The following PTPRN2 variants were observed in gnomAD, a reference collection of about 807,000 sequenced individuals.
The protein encoded by PTPRN2 is receptor-type tyrosine-protein phosphatase N2.
PTPRN2 carries 74 observed loss-of-function variants against 118.8 expected under a neutral mutation model. The ratio of observed to expected loss-of-function variants is 0.62; its 90% CI spans 0.52 to 0.76. The LOEUF (loss-of-function observed/expected upper bound fraction) is 0.76. Ranked by LOEUF, PTPRN2 falls within the 30% of genes least tolerant of loss-of-function variation. The pLI, the probability that PTPRN2 is intolerant of heterozygous loss-of-function variation, is 0.00. For missense variants in PTPRN2, 1,481 were observed against 1,394.4 expected, an observed-to-expected ratio of 1.06 and a Z score of -0.99; for synonymous variants, 641 against 608.0, an observed-to-expected ratio of 1.05 and a Z score of -0.80.
chr7:157,820,065 G>A (rs1052026103), intron 12 of PTPRN2, among the ~76,000 whole-genome samples: 8 of 144,726 alleles, frequency 5.5e-5, no homozygotes, highest in African/African-American at 1.8e-4. Context: ...CACACATACA[G>A]CAGATCCACA....
chr7:158,528,471 C>T (rs1251856273), intron 1 of PTPRN2, among the ~76,000 whole-genome samples: 3 of 152,078 alleles, frequency 2.0e-5, no homozygotes, highest in Non-Finnish European at 2.9e-5. Context: ...CTGTGAATGC[C>T]TACATTTCAG....
At chr7:158,331,625 T>A (rs1358978315) in intron 2 of PTPRN2, among the ~76,000 whole-genome samples, 4 of 144,126 alleles carry the variant, frequency 2.8e-5, no homozygotes, top group Admixed American at 6.8e-5. Flanking sequence ...ACAGCCATAC[T>A]CTCACCATAA....
chr7:158,413,575 G>A (rs1158888709), intron 2 of PTPRN2, among the ~76,000 whole-genome samples: 1 of 152,202 alleles, frequency 6.6e-6, no homozygotes, highest in Non-Finnish European at 1.5e-5. Flanking sequence ...AGATGGCAGG[G>A]CTCAAGAGGC....
At chr7:157,925,899 CTCT>C (rs1368367562) in intron 11 of PTPRN2, among the ~76,000 whole-genome samples, 3 of 152,118 alleles carry the variant, frequency 2.0e-5, no homozygotes, top group Non-Finnish European at 4.4e-5. Context: ...CCACAGACAC[CTCT>C]TCTTCTGTGT....
chr7:158,033,800 T>TGACTGCACGCTGAGACCTCGATAGA (rs1478325617), intron 11 of PTPRN2, among the ~76,000 whole-genome samples: 1 of 150,032 alleles, frequency 6.7e-6, no homozygotes, highest in Non-Finnish European at 1.5e-5. Context: ...TGTGTGTGGC[T>TGACTGCACGCTGAGACCTCGATAGA]GACTGCACGC....
intron 13 of PTPRN2, among the ~76,000 whole-genome samples, chr7:157,657,139 G>A (rs111204823): frequency 0.27 from 14,242 of 52,112 alleles, 3,021 homozygotes; most frequent in Admixed American, 0.29. Flanking sequence ...ACACACATAC[G>A]CCACACACAC....
At chr7:158,489,620 G>C in intron 2 of PTPRN2, 115 bp downstream of exon 2, 1 of 1,096,168 alleles carries the variant, frequency 9.1e-7, no homozygotes, top group Non-Finnish European at 1.2e-6. Context: ...TCTCGGCAGC[G>C]CGCCCCGGGC....
chr7:157,556,909 T>G (rs931758235), intron 21 of PTPRN2, among the ~76,000 whole-genome samples: 2 of 147,852 alleles, frequency 1.4e-5, no homozygotes, highest in Non-Finnish European at 3.0e-5. Context: ...TGCACACACA[T>G]ATACACAGGA....
intron 3 of PTPRN2, among the ~76,000 whole-genome samples, chr7:158,310,714 CGG>C (rs1801643893): frequency 6.8e-6 from 1 of 147,734 alleles, no homozygotes; most frequent in Admixed American, 6.7e-5. Context: ...AGCCCTGAGC[CGG>C]ACAGAGCGCA....
intron 1 of PTPRN2, among the ~76,000 whole-genome samples, chr7:158,499,896 A>G (rs73528621): frequency 0.016 from 2,476 of 151,920 alleles, 76 homozygotes; most frequent in African/African-American, 0.057. Context: ...AAAATCATAC[A>G]TCAACTAATT....
rs115427374 is a variant in PTPRN2, at chr7:157,901,727, G to A, written c.1724-2990C>T. Among the ~76,000 whole-genome samples the A allele has an allele frequency of 6.6e-3, 343 of 52,016 alleles. 6 individuals are homozygous for A. The highest frequency in any genetic ancestry group is 0.019 in the African/African-American group (293 of 15,742). The allele number at this position is 52,016 out of a possible 152,430, so 34.1% of individuals were successfully genotyped here. A position where few individuals can be genotyped will look rare whatever the true frequency, so the allele number is the denominator to read the frequency against. On this transcript the variant is annotated intron_variant, in intron 11 of 22. Coordinates refer to ENST00000389418, the MANE Select transcript of PTPRN2 (RefSeq NM_002847.5). Reference sequence around the variant, plus strand: ...GGGGCCTTCCCGTCCGTGTTTCCTGGGTCCTGAGGTGGGGCCTTCCCGTCC... The same window carrying A: ...GGGGCCTTCCCGTCCGTGTTTCCTGAGTCCTGAGGTGGGGCCTTCCCGTCC...
At chr7:158,370,700 C>T (rs2151316169) in intron 2 of PTPRN2, among the ~76,000 whole-genome samples, 1 of 152,108 alleles carries the variant, frequency 6.6e-6, no homozygotes, top group Non-Finnish European at 1.5e-5. Flanking sequence ...TGCAGTGAAC[C>T]AAGATTGCAC....
intron 2 of PTPRN2, among the ~76,000 whole-genome samples, chr7:158,377,023 G>T (rs1179816266): frequency 7.4e-6 from 1 of 134,900 alleles, no homozygotes; most frequent in Non-Finnish European, 1.6e-5. Flanking sequence ...CTGAGACGGG[G>T]GTCAGGGGAC....
chr7:157,682,693 G>C (rs1338172547), intron 13 of PTPRN2, 32 bp downstream of exon 13: 3 of 1,575,912 alleles, frequency 1.9e-6, no homozygotes, highest in Non-Finnish European at 1.7e-6. Context: ...AGATAAATCC[G>C]ATATACCACT....
At chr7:158,461,495 C>CA (rs71200029) in intron 2 of PTPRN2, among the ~76,000 whole-genome samples, 61,773 of 133,614 alleles carry the variant, frequency 0.46, 13,020 homozygotes, top group Admixed American at 0.49. Context: ...GACTCCGTCT[C>CA]AAAAAAAAAA....
chr7:158,100,244 GGTGTGTGTGTGTGTGT>G (rs3065708), intron 10 of PTPRN2, among the ~76,000 whole-genome samples: 1 of 147,316 alleles, frequency 6.8e-6, no homozygotes. Flanking sequence ...TATTCCATGG[GGTGTGTGTGTGTGTGT>G]GTGTGTGTGT....
intron 1 of PTPRN2, among the ~76,000 whole-genome samples, chr7:158,512,651 A>C (rs1329662703): frequency 6.6e-6 from 1 of 152,158 alleles, no homozygotes. Context: ...CACCACGCCC[A>C]GCACTTGATT....
intron 11 of PTPRN2, among the ~76,000 whole-genome samples, chr7:157,922,753 G>A (rs548975908): frequency 2.0e-4 from 30 of 152,282 alleles, no homozygotes; most frequent in Non-Finnish European, 3.7e-4. Flanking sequence ...GGCACGCTGC[G>A]GCACCGCTGA....
chr7:157,894,118 G>A (rs1057139722), intron 12 of PTPRN2, among the ~76,000 whole-genome samples: 1 of 152,190 alleles, frequency 6.6e-6, no homozygotes, highest in Non-Finnish European at 1.5e-5. Context: ...TGAACGAACA[G>A]CTCACTAAAC....
Sources: allele counts gnomAD v4.1 joint callset (sites outside exome capture counted in the v4.1 genomes callset), GRCh38; gene constraint gnomAD v4.1.1; transcripts MANE v1.5; gene names NCBI Gene and HGNC (gene_info 2026-07-23, HGNC 2026-07-21).